Variants in PRKRIP1 observed in about 807,000 individuals in gnomAD.
The protein encoded by PRKRIP1 is PRKR interacting protein 1.
PRKRIP1 carries 29 observed loss-of-function variants against 29.3 expected under a neutral mutation model. The ratio of observed to expected loss-of-function variants is 0.99; its 90% CI spans 0.74 to 1.35. The LOEUF (loss-of-function observed/expected upper bound fraction) is 1.35. Ranked by LOEUF, PRKRIP1 falls within the 40% of genes most tolerant of loss-of-function variation. PRKRIP1 has a pLI of 0.00. For missense variants in PRKRIP1, 247 were observed against 236.8 expected (o/e 1.04, Z -0.28); for synonymous variants, 90 against 85.1 (o/e 1.06, Z -0.32).
intron 5 of PRKRIP1, among the ~76,000 whole-genome samples, chr7:102,419,889 GTGTGTGTT>G (rs1796649910): frequency 3.2e-5 from 4 of 123,878 alleles, no homozygotes. Flanking sequence ...GTGTGTGTGT[GTGTGTGTT>G]TTTGAGATGG....
rs1314735657 is a variant in PRKRIP1 at position 102,422,914 on chromosome 7, C to A, written c.458-2100C>A. 8.6e-5 allele frequency: 15 copies of A among 174,550 alleles called. 1 individual carries two copies. The East Asian group carries it at 1.9e-3, about 22-fold the overall frequency. 10.8% of individuals were successfully genotyped at this position (174,550 alleles called of 1,614,324 possible). The stretch of plus-strand genomic sequence containing the variant: ...TGTGTAGATGCAGATATTCCAAAGT[C>A]TGGAAACATCCGAAACATCCGAAAT... On this transcript the variant is annotated intron_variant, in intron 5 of 5. Transcript: ENST00000397912.
chr7:102,420,106 G>A (rs890605549), intron 5 of PRKRIP1, among the ~76,000 whole-genome samples: 2 of 152,064 alleles, frequency 1.3e-5, no homozygotes, highest in Non-Finnish European at 2.9e-5. Context: ...GGCTGGTCTC[G>A]AACTCGTGAC....
Position 102,410,844 on chromosome 7 carries a change from TTA to T in PRKRIP1, c.457+3348_457+3349del, listed in dbSNP as rs547807328. ...GTTTCCTGTACGTCAAATGTTTGGG[TTA>T]TGTTTTTTAATTCATTCTGACAGTC... On this transcript the variant is annotated intron_variant, in intron 5 of 5. Transcript: ENST00000397912. Among the ~76,000 whole-genome samples the T allele has an allele frequency of 3.2e-3, 480 of 152,290 alleles. 4 individuals are homozygous for T. The highest frequency in any genetic ancestry group is 2.4e-3 in the Non-Finnish European group (163 of 68,040).
At chr7:102,398,348 C>T (rs1486653908) in intron 2 of PRKRIP1, among the ~76,000 whole-genome samples, 1 of 151,838 alleles carries the variant, frequency 6.6e-6, no homozygotes, top group Admixed American at 6.6e-5. Flanking sequence ...GCAGTGACAC[C>T]ATCTCGGCTC....
At chr7:102,412,291 A>C (rs1554572629) in intron 5 of PRKRIP1, among the ~76,000 whole-genome samples, 1 of 152,244 alleles carries the variant, frequency 6.6e-6, no homozygotes, top group South Asian at 2.1e-4. Flanking sequence ...ACTCTGGCTC[A>C]CATCTGTAAT....
At chr7:102,396,966 A>G (rs1371040348) in intron 1 of PRKRIP1, among the ~76,000 whole-genome samples, 9 of 152,028 alleles carry the variant, frequency 5.9e-5, no homozygotes, top group Non-Finnish European at 1.2e-4. Flanking sequence ...CCCCTCAATC[A>G]TAAAAACAAT....
At chr7:102,418,887 T>A (rs1374444580) in intron 5 of PRKRIP1, among the ~76,000 whole-genome samples, 1 of 151,832 alleles carries the variant, frequency 6.6e-6, no homozygotes, top group Non-Finnish European at 1.5e-5. Context: ...TTTGAGACGA[T>A]GTTACATTTT....
At chr7:102,405,975 A>C in intron 4 of PRKRIP1, 2 of 266,122 alleles carry the variant, frequency 7.5e-6, no homozygotes, top group South Asian at 4.1e-5. Context: ...AAAAGTTGTC[A>C]AAGTGCTTGA....
At chr7:102,405,265 C>T (rs1309131379) in intron 4 of PRKRIP1, among the ~76,000 whole-genome samples, 2 of 152,148 alleles carry the variant, frequency 1.3e-5, no homozygotes, top group African/African-American at 4.8e-5. Context: ...CCAAACTTCC[C>T]ATTTAGCATG....
chr7:102,415,556 G>A (rs1796512705), intron 5 of PRKRIP1, among the ~76,000 whole-genome samples: 1 of 152,204 alleles, frequency 6.6e-6, no homozygotes, highest in Non-Finnish European at 1.5e-5. Context: ...TTTATAAAAT[G>A]TACATTGGAT....
At position 102,409,500 on chromosome 7, in the gene PRKRIP1, G is replaced by A. The variant is rs1796319922; in HGVS notation, c.457+2002G>A. On this transcript the variant is annotated intron_variant, in intron 5 of 5. Transcript: ENST00000397912. Reference sequence around the variant, plus strand: ...ATTTGGAAATTTGAGACCAGCCTGGGCAGCATAGTAAGACCCCATCTCTAC... The same window carrying A: ...ATTTGGAAATTTGAGACCAGCCTGGACAGCATAGTAAGACCCCATCTCTAC... 2.0e-5 allele frequency among the ~76,000 whole-genome samples: 3 copies of A among 151,982 alleles called. No individual in the cohort carries two copies. In the South Asian group the frequency reaches 6.2e-4, roughly 32 times the overall value.
At chr7:102,423,233 G>C (rs963453870) in intron 5 of PRKRIP1, 2 of 423,996 alleles carry the variant, frequency 4.7e-6, no homozygotes, top group Non-Finnish European at 9.6e-6. Flanking sequence ...TCCTGCCTCA[G>C]CCTCCCAAGT....
At chr7:102,416,915 G>C in intron 5 of PRKRIP1, among the ~76,000 whole-genome samples, 1 of 151,862 alleles carries the variant, frequency 6.6e-6, no homozygotes, top group East Asian at 1.9e-4. Flanking sequence ...GAGTGTGGTG[G>C]CGCGATCTTG....
chr7:102,423,551 C>T (rs1554574097), intron 5 of PRKRIP1, among the ~76,000 whole-genome samples: 6 of 152,148 alleles, frequency 3.9e-5, no homozygotes, highest in Non-Finnish European at 1.5e-5. Flanking sequence ...TTATCTTCTT[C>T]ATCTGTAAAA....
intron 5 of PRKRIP1, among the ~76,000 whole-genome samples, chr7:102,421,478 G>A (rs1388184344): frequency 2.6e-5 from 4 of 151,214 alleles, no homozygotes; most frequent in Non-Finnish European, 4.4e-5. Flanking sequence ...CTGCACTCCA[G>A]CCCAGGTGAC....
chr7:102,416,680 G>A (rs1315862273), intron 5 of PRKRIP1, among the ~76,000 whole-genome samples: 3 of 42,346 alleles, frequency 7.1e-5, no homozygotes, highest in African/African-American at 2.6e-4. Flanking sequence ...GGTTTTGTGG[G>A]GTGTTTTTTT....
chr7:102,421,570 GGGCA>G, intron 5 of PRKRIP1, among the ~76,000 whole-genome samples: 1 of 152,060 alleles, frequency 6.6e-6, no homozygotes, highest in Non-Finnish European at 1.5e-5. Context: ...AGGCCAAGGT[GGGCA>G]GATCACCAGG....
chr7:102,405,171 C>T (rs2133174271), intron 4 of PRKRIP1, among the ~76,000 whole-genome samples: 1 of 152,304 alleles, frequency 6.6e-6, no homozygotes, highest in South Asian at 2.1e-4. Flanking sequence ...AGGTGATCCG[C>T]CTGCTTCGGC....
At chr7:102,420,848 C>G (rs367610092) in intron 5 of PRKRIP1, among the ~76,000 whole-genome samples, 1 of 152,318 alleles carries the variant, frequency 6.6e-6, no homozygotes, top group East Asian at 1.9e-4. Context: ...ATACACAACA[C>G]GGATTATTCA....
Sources: gnomAD v4.1 joint callset for allele counts (sites outside exome capture counted in the v4.1 genomes callset) on GRCh38, gnomAD v4.1.1 for gene constraint, MANE v1.5 for transcripts, NCBI Gene and HGNC (gene_info 2026-07-23, HGNC 2026-07-21) for gene names.